Variants in ZP2 observed in about 807,000 individuals in gnomAD.
The protein encoded by ZP2 is zona pellucida sperm-binding protein 2.
ZP2 carries 51 observed loss-of-function variants against 84.0 expected under a neutral mutation model. The observed-to-expected ratio is 0.61, with a 90% confidence interval of 0.49 to 0.77. The LOEUF (loss-of-function observed/expected upper bound fraction) is 0.77. ZP2 is among the 30% of genes least tolerant of loss of function. The probability of loss-of-function intolerance (pLI) is 0.00; values close to 1 mark genes in which losing one functional copy is unlikely to be tolerated. For missense variants in ZP2, 909 were observed against 911.9 expected, an observed-to-expected ratio of 1.00 and a Z score of 0.04; for synonymous variants, 375 against 330.9, an observed-to-expected ratio of 1.13 and a Z score of -1.45.
intron 4 of ZP2, among the ~76,000 whole-genome samples, 187 bp downstream of exon 4, chr16:21,209,444 T>C (rs945759228): frequency 3.9e-5 from 6 of 152,154 alleles, no homozygotes; most frequent in Non-Finnish European, 8.8e-5. Flanking sequence ...GCAGAGATTA[T>C]AGGCGTGAGC....
rs2093251420 is a variant in ZP2 at position 21,206,733 on chromosome 16, A to G, written c.483+105T>C. On this transcript the variant is annotated intron_variant, in intron 5 of 18. Transcript: ENST00000574091. ...CATCACACAGAAAATTAGCAAGTAC[A>G]GGATTAAATCATGGTCTGATTTCTA... The G allele has an allele frequency of 8.4e-6, 12 of 1,434,816 alleles. No individual in the cohort carries two copies. The East Asian group carries it at 1.4e-4, about 16-fold the overall frequency. The allele number at this position is 1,434,816 out of a possible 1,614,324, so 88.9% of individuals were successfully genotyped here. A position where few individuals can be genotyped will look rare whatever the true frequency, so the allele number is the denominator to read the frequency against.
chr16:21,213,642 G>T (rs894935682), upstream of ZP2, among the ~76,000 whole-genome samples: 1 of 152,184 alleles, frequency 6.6e-6, no homozygotes, highest in Non-Finnish European at 1.5e-5. Flanking sequence ...GAAAATACTT[G>T]GAGGGAGCGA....
intron 2 of ZP2, 130 bp from the exon 3 acceptor site, chr16:21,210,322 G>A (rs1423481758): frequency 5.7e-6 from 4 of 698,750 alleles, no homozygotes; most frequent in Non-Finnish European, 1.0e-5. Context: ...TACCCTGGGA[G>A]AGCTCACAAA....
In ZP2 at chr16:21,211,528, C is replaced by T. The variant is rs774931578; in HGVS notation, c.20G>A (p.Gly7Glu). Residue 7 changes from glycine to glutamate, a missense_variant, in exon 1 of 19, where the codon GGA becomes GAA. Coordinates refer to ENST00000574091, the MANE Select transcript of ZP2 (RefSeq NM_001376232.1). MACRQR[G>E]GSWSPSGWFN... ...CCAGCCTGAGGGACTCCAAGAGCCT[C>T]CTCTCTGCCTGCACGCCATAGCAGA... 6 of 1,614,092 alleles carry T rather than the reference C, an allele frequency of 3.7e-6. No individual in the cohort carries two copies. In the African/African-American group the frequency reaches 4.0e-5, roughly 11 times the overall value.
At position 21,197,762 on chromosome 16, in the gene ZP2, T is replaced by A. The variant is rs2093206008; in HGVS notation, c.2095+4A>T. 6.2e-7 allele frequency: 1 copy of A among 1,614,008 alleles called. No individual in the cohort carries two copies. The highest frequency in any genetic ancestry group is 8.5e-7 in the Non-Finnish European group (1 of 1,180,004). ...CAGAAGTTTGCAACATTGAATAAAC[T>A]TACCTCGTGAGCCAACCTCCTCCCC... On this transcript the variant is annotated splice_donor_region_variant and intron_variant, in intron 18 of 18. Coordinates refer to ENST00000574091, the MANE Select transcript of ZP2 (RefSeq NM_001376232.1).
chr16:21,197,844 C>T lies in ZP2; in HGVS notation c.2017G>A (p.Gly673Ser), dbSNP rs200912750. 2.4e-4 allele frequency: 383 copies of T among 1,614,056 alleles called. 4 individuals carry two copies. The South Asian group carries it at 3.1e-3, about 13-fold the overall frequency. ...CCACTTGCTTTTAGATCAGATGAGC[C>T]GACACCTGGGAAGAACCTGAGAGTT... ...LSDDSSFRGV[G>S]SSDLKASGSS... The change falls in exon 18 of 19, where the codon GGC (glycine) becomes AGC (serine). Residue 673 changes from glycine (G) to serine (S), a missense_variant. Physicochemically the swap from Gly to Ser is moderately conservative, Grantham distance 56. Transcript: ENST00000574091.
intron 7 of ZP2, 124 bp downstream of exon 7, chr16:21,205,296 G>T: frequency 2.6e-6 from 3 of 1,156,258 alleles, no homozygotes; most frequent in Admixed American, 2.4e-5. Flanking sequence ...GAAGTGTTTG[G>T]CACTTAATAG....
At position 21,209,604 on chromosome 16, in the gene ZP2, C is replaced by T. The variant is rs995066585; in HGVS notation, c.330+27G>A. On this transcript the variant is annotated intron_variant, in intron 4 of 18. Coordinates refer to ENST00000574091, the MANE Select transcript of ZP2 (RefSeq NM_001376232.1). ...ACTCTTAGGTTACTACGTACTTCCC[C>T]AAGAACTGCTCAAAGCAATGACTTA... The T allele has an allele frequency of 3.7e-6, 6 of 1,607,082 alleles. No homozygotes were observed. The Admixed American group carries it at 8.3e-5, about 22-fold the overall frequency.
At chr16:21,201,024 C>T (rs1025925430) in intron 14 of ZP2, among the ~76,000 whole-genome samples, 2 of 152,138 alleles carry the variant, frequency 1.3e-5, no homozygotes, top group African/African-American at 2.4e-5. Flanking sequence ...CATGGCAAAA[C>T]CCTGTCTCTA....
chr16:21,210,241 A>G (rs1349488927), intron 2 of ZP2, 49 bp from the exon 3 acceptor site: 1 of 1,452,666 alleles, frequency 6.9e-7, no homozygotes. Flanking sequence ...GAGTGATGCA[A>G]CTCCTACAAA....
intron 5 of ZP2, 104 bp downstream of exon 5, chr16:21,206,734 G>A: frequency 6.9e-7 from 1 of 1,446,078 alleles, no homozygotes; most frequent in East Asian, 2.3e-5. Flanking sequence ...AGCAAGTACA[G>A]GATTAAATCA....
intron 7 of ZP2, among the ~76,000 whole-genome samples, 197 bp downstream of exon 7, chr16:21,205,223 C>T (rs75499707): frequency 0.12 from 19,006 of 152,188 alleles, 1,442 homozygotes; most frequent in Middle Eastern, 0.18. Context: ...GAACTCCTGA[C>T]CTCAAGCGAT....
chr16:21,199,120 A>G (rs1298496114), intron 16 of ZP2, among the ~76,000 whole-genome samples: 2 of 152,002 alleles, frequency 1.3e-5, no homozygotes, highest in African/African-American at 4.8e-5. Flanking sequence ...GATTGAGACC[A>G]GCCTGGCCTG....
intron 17 of ZP2, among the ~76,000 whole-genome samples, chr16:21,198,537 G>A (rs2093210175): frequency 6.6e-6 from 1 of 152,194 alleles, no homozygotes; most frequent in Non-Finnish European, 1.5e-5. Context: ...AGGTAGATAA[G>A]ACAGATTAGA....
In ZP2 at chr16:21,204,045, A is replaced by G; in HGVS notation, c.957T>C (p.Thr319=). 1 of 1,613,684 alleles carries G rather than the reference A, an allele frequency of 6.2e-7. No individual in the cohort carries two copies. The highest frequency in any genetic ancestry group is 1.3e-5 in the African/African-American group (1 of 75,058). The change falls in exon 9 of 19, where the codon ACT becomes ACC. Residue 319 remains threonine, a synonymous_variant. Transcript: ENST00000574091. ...TNGMKLHFSK[T]LLKTKLSEKC... ...TTGAACATACTTTCGTTTTGAGCAG[A>G]GTTTTGCTGAAATGCAATTTCATGC...
chr16:21,209,233 C>T (rs2093263486), intron 4 of ZP2, among the ~76,000 whole-genome samples: 1 of 152,182 alleles, frequency 6.6e-6, no homozygotes, highest in Admixed American at 6.5e-5. Context: ...ATGGAGCAAT[C>T]TCAGCTCACT....
chr16:21,211,836 A>G (rs760927698), upstream of ZP2: 18 of 1,334,668 alleles, frequency 1.3e-5, no homozygotes, highest in Non-Finnish European at 1.7e-5. Context: ...GGAAATTAGG[A>G]TCTTTTGGGC....
chr16:21,209,919 G>T, intron 3 of ZP2, 190 bp downstream of exon 3: 2 of 693,140 alleles, frequency 2.9e-6, no homozygotes, highest in South Asian at 1.8e-5. Context: ...GCTGGCATAA[G>T]ACACACTTTC....
At chr16:21,207,677 C>T (rs1440600596) in intron 4 of ZP2, among the ~76,000 whole-genome samples, 2 of 113,412 alleles carry the variant, frequency 1.8e-5, no homozygotes, top group African/African-American at 7.0e-5. Flanking sequence ...CACACACACA[C>T]ACACCACAAA....
Sources: gnomAD v4.1 joint callset for allele counts (sites outside exome capture counted in the v4.1 genomes callset) on GRCh38, gnomAD v4.1.1 for gene constraint, MANE v1.5 for transcripts, NCBI Gene and HGNC (gene_info 2026-07-23, HGNC 2026-07-21) for gene names.